TPGS2: variants seen among roughly 807,000 people sequenced by gnomAD.
The protein encoded by TPGS2 is tubulin polyglutamylase complex subunit 2.
A neutral mutation model predicts 31.1 loss-of-function variants in TPGS2; 26 were observed. That is an observed-to-expected ratio of 0.84 (90% CI 0.61 to 1.16). The LOEUF (loss-of-function observed/expected upper bound fraction) is 1.16, where lower values mean the gene tolerates loss of function less well. Ranked by LOEUF, TPGS2 falls within the 50% of genes most tolerant of loss-of-function variation. TPGS2 has a pLI of 0.00. For missense variants in TPGS2, 351 were observed against 363.8 expected, an observed-to-expected ratio of 0.96 and a Z score of 0.29; for synonymous variants, 130 against 136.6, an observed-to-expected ratio of 0.95 and a Z score of 0.34.
intron 6 of TPGS2, chr18:36,783,183 A>G (rs1230703268): frequency 1.0e-5 from 4 of 397,174 alleles, no homozygotes; most frequent in Non-Finnish European, 1.8e-5. Flanking sequence ...ATTAGTTTTT[A>G]GTGAAACTAA....
intron 6 of TPGS2, among the ~76,000 whole-genome samples, chr18:36,786,242 G>A (rs550697373): frequency 1.3e-4 from 20 of 152,226 alleles, no homozygotes; most frequent in East Asian, 7.7e-4. Flanking sequence ...GTCAGTTAGC[G>A]TCTGGTGGTG....
At position 36,794,264 on chromosome 18, in the gene TPGS2, C is replaced by T; in HGVS notation, c.*2541G>A. 1 of 984,890 alleles carries T rather than the reference C, an allele frequency of 1.0e-6. No individual in the cohort carries two copies. The highest frequency in any genetic ancestry group is 1.2e-6 in the Non-Finnish European group (1 of 829,440). 61.0% of individuals were successfully genotyped at this position (984,890 alleles called of 1,614,324 possible). A position where few individuals can be genotyped will look rare whatever the true frequency, so the allele number is the denominator to read the frequency against. On this transcript the variant is annotated 3_prime_UTR_variant, in exon 7 of 7. Transcript: ENST00000334295. Reference sequence around the variant, plus strand: ...TTTCCTGCTGTTTGCACAAAAGCCTCACATCTTCATTTTGTACTGGATCCT... The same window carrying T: ...TTTCCTGCTGTTTGCACAAAAGCCTTACATCTTCATTTTGTACTGGATCCT...
At chr18:36,798,224 C>T in intron 6 of TPGS2, 8 of 1,377,884 alleles carry the variant, frequency 5.8e-6, no homozygotes, top group Non-Finnish European at 7.5e-6. Flanking sequence ...TAAAACTCCC[C>T]AGTTAATTCT....
At chr18:36,781,986 C>A, downstream of TPGS2, 1 of 953,120 alleles carries the variant, frequency 1.0e-6, no homozygotes, top group African/African-American at 1.8e-5. Context: ...ATAACAGGTA[C>A]AATATTCCAC....
Position 36,796,694 on chromosome 18 carries a change from C to T in TPGS2, c.*111G>A. The T allele has an allele frequency of 2.0e-6, 3 of 1,469,464 alleles. No individual in the cohort carries two copies. Among genetic ancestry groups the T allele is most frequent in the South Asian group, 1.6e-5 (1 of 63,370 alleles). 91.0% of individuals were successfully genotyped at this position (1,469,464 alleles called of 1,614,324 possible). A position where few individuals can be genotyped will look rare whatever the true frequency, so the allele number is the denominator to read the frequency against. Reference sequence around the variant, plus strand: ...TAAAAGCCTTACAATTTTGGTCATTCAACTAGAAAGAGGCCTACGGTCCAC... The same window carrying T: ...TAAAAGCCTTACAATTTTGGTCATTTAACTAGAAAGAGGCCTACGGTCCAC... On this transcript the variant is annotated 3_prime_UTR_variant, in exon 7 of 7. Coordinates refer to ENST00000334295, the MANE Select transcript of TPGS2 (RefSeq NM_015476.4).
chr18:36,782,904 C>A (rs1348540735), downstream of TPGS2: 1 of 391,398 alleles, frequency 2.6e-6, no homozygotes, highest in African/African-American at 2.1e-5. Context: ...GCTCTTGCCA[C>A]TTCTCTCTTT....
chr18:36,782,990 T>C (rs953721404), exon 7 of TPGS2: 1 of 398,136 alleles, frequency 2.5e-6, no homozygotes, highest in African/African-American at 2.1e-5. Context: ...CCCAGAGCCC[T>C]GTCCACAAAT....
chr18:36,795,210 G>A lies in TPGS2; in HGVS notation c.*1595C>T. 2.0e-6 allele frequency: 2 copies of A among 985,398 alleles called. No homozygotes were observed. The highest frequency in any genetic ancestry group is 2.4e-6 in the Non-Finnish European group (2 of 829,938). The allele number at this position is 985,398 out of a possible 1,614,324, so 61.0% of individuals were successfully genotyped here. ...ACAATCAAAATAAACATGTTTCAGA[G>A]CAAAAGTGCATGTGGAGAATCCTGT... On this transcript the variant is annotated 3_prime_UTR_variant, in exon 7 of 7. Coordinates refer to ENST00000334295, the MANE Select transcript of TPGS2 (RefSeq NM_015476.4).
intron 2 of TPGS2, 168 bp downstream of exon 2, chr18:36,818,726 T>G: frequency 1.8e-6 from 1 of 562,326 alleles, no homozygotes; most frequent in South Asian, 3.0e-5. Context: ...TGGCATAGAA[T>G]GAAAGGAACT....
Position 36,797,048 on chromosome 18 carries a change from T to C in TPGS2, c.660A>G (p.Gln220=), listed in dbSNP as rs768467543. ...TGATAGGTTTATACATGCTGAACCATTGCTGTAAGGCAGAATTGGAAGACA... is the reference window on the plus strand; with the variant it reads ...TGATAGGTTTATACATGCTGAACCACTGCTGTAAGGCAGAATTGGAAGACA... ...TSYGISPQAK[Q]WFSMYKPITY... The change falls in exon 7 of 7, where the codon CAA becomes CAG. Residue 220 remains glutamine (Q), a splice_region_variant and synonymous_variant. Coordinates refer to ENST00000334295, the MANE Select transcript of TPGS2 (RefSeq NM_015476.4). 2.5e-6 allele frequency: 4 copies of C among 1,591,886 alleles called. No individual in the cohort carries two copies. The highest frequency in any genetic ancestry group is 1.4e-5 in the African/African-American group (1 of 73,674).
chr18:36,785,324 A>G (rs2044103333), intron 6 of TPGS2, among the ~76,000 whole-genome samples: 1 of 152,064 alleles, frequency 6.6e-6, no homozygotes, highest in South Asian at 2.1e-4. Context: ...AACGCTGAAA[A>G]TTTTGTTCAA....
chr18:36,827,755 C>T (rs1488705063), intron 1 of TPGS2, among the ~76,000 whole-genome samples: 1 of 152,204 alleles, frequency 6.6e-6, no homozygotes, highest in African/African-American at 2.4e-5. Context: ...TCTTTAACTT[C>T]CCTGGTAAGA....
chr18:36,813,504 C>T (rs2045519230), intron 2 of TPGS2, among the ~76,000 whole-genome samples: 3 of 152,202 alleles, frequency 2.0e-5, no homozygotes, highest in South Asian at 2.1e-4. Flanking sequence ...CACCCTGTCA[C>T]CTGTTTTTGT....
At position 36,795,413 on chromosome 18, in the gene TPGS2, C is replaced by G. The variant is rs757229695; in HGVS notation, c.*1392G>C. On this transcript the variant is annotated 3_prime_UTR_variant, in exon 7 of 7. Coordinates refer to ENST00000334295, the MANE Select transcript of TPGS2 (RefSeq NM_015476.4). Reference sequence around the variant, plus strand: ...GTAGAGGCCCCTGCACCTCATTCCTCAAAACTCCTAATTCTCTAACCTCTG... The same window carrying G: ...GTAGAGGCCCCTGCACCTCATTCCTGAAAACTCCTAATTCTCTAACCTCTG... The G allele has an allele frequency of 5.7e-5, 56 of 985,276 alleles. No homozygotes were observed. The highest frequency in any genetic ancestry group is 6.5e-5 in the Non-Finnish European group (54 of 829,956). 61.0% of individuals were successfully genotyped at this position (985,276 alleles called of 1,614,324 possible). A position where few individuals can be genotyped will look rare whatever the true frequency, so the allele number is the denominator to read the frequency against.
At chr18:36,820,966 A>G (rs2045867839) in intron 1 of TPGS2, 1 of 152,146 alleles carries the variant, frequency 6.6e-6, no homozygotes, top group South Asian at 2.1e-4. Context: ...GATGAAACTC[A>G]CATCTTTAGA....
At chr18:36,826,541 C>T (rs2046145712) in intron 1 of TPGS2, among the ~76,000 whole-genome samples, 1 of 151,886 alleles carries the variant, frequency 6.6e-6, no homozygotes, top group Non-Finnish European at 1.5e-5. Context: ...ATTTTCTTGC[C>T]TAATTGCCCT....
chr18:36,817,231 T>C (rs2045697309), intron 2 of TPGS2, among the ~76,000 whole-genome samples: 1 of 152,164 alleles, frequency 6.6e-6, no homozygotes, highest in Admixed American at 6.5e-5. Context: ...GAAAAGCTGC[T>C]GCTGGCTCAG....
intron 6 of TPGS2, among the ~76,000 whole-genome samples, chr18:36,784,156 GATAAA>G (rs1407423506): frequency 6.6e-6 from 1 of 152,188 alleles, no homozygotes; most frequent in African/African-American, 2.4e-5. Flanking sequence ...CCAGAAATAT[GATAAA>G]ATAAATTTCT....
At chr18:36,808,437 G>A (rs1343429945) in intron 2 of TPGS2, among the ~76,000 whole-genome samples, 1 of 152,140 alleles carries the variant, frequency 6.6e-6, no homozygotes, top group African/African-American at 2.4e-5. Flanking sequence ...AGGAGATGGA[G>A]ACCATCTTGG....
Sources: gnomAD v4.1 joint callset for allele counts (sites outside exome capture counted in the v4.1 genomes callset) on GRCh38, gnomAD v4.1.1 for gene constraint, MANE v1.5 for transcripts, NCBI Gene and HGNC (gene_info 2026-07-23, HGNC 2026-07-21) for gene names.